The following SLC20A2 variants were observed in gnomAD, a reference collection of about 807,000 sequenced individuals.
SLC20A2 encodes the protein sodium-dependent phosphate transporter 2.
SLC20A2 carries 30 observed loss-of-function variants against 61.0 expected under a neutral mutation model. That is an observed-to-expected ratio of 0.49 (90% CI 0.37 to 0.67). The LOEUF (loss-of-function observed/expected upper bound fraction) is 0.67, where lower values mean the gene tolerates loss of function less well. Ranked by LOEUF, SLC20A2 falls within the 30% of genes least tolerant of loss-of-function variation. SLC20A2 has a pLI of 0.00. For synonymous variants in SLC20A2, 351 were observed against 353.3 expected (o/e 0.99, Z 0.07); for missense variants, 626 against 866.4 (o/e 0.72, Z 3.48).
chr8:42,422,809 C>T (rs1803134661), intron 10 of SLC20A2, among the ~76,000 whole-genome samples: 1 of 152,124 alleles, frequency 6.6e-6, no homozygotes, highest in Non-Finnish European at 1.5e-5. Context: ...TAGCATATAG[C>T]TGTGTGGCTT....
chr8:42,515,227 T>C (rs1037091193), intron 1 of SLC20A2, among the ~76,000 whole-genome samples: 3 of 152,112 alleles, frequency 2.0e-5, no homozygotes, highest in Non-Finnish European at 4.4e-5. Context: ...CTCCGGAGCT[T>C]GTGGTATTAA....
intron 1 of SLC20A2, among the ~76,000 whole-genome samples, chr8:42,500,576 T>C (rs1183045915): frequency 6.6e-6 from 1 of 152,214 alleles, no homozygotes; most frequent in East Asian, 1.9e-4. Context: ...TGTCCATCTA[T>C]ACATTCAAGA....
chr8:42,417,427 T>C lies in SLC20A2; in HGVS notation c.*376A>G, dbSNP rs142241660. On this transcript the variant is annotated 3_prime_UTR_variant, in exon 11 of 11. Coordinates refer to ENST00000520262, the MANE Select transcript of SLC20A2 (RefSeq NM_001257180.2). ...GAAGGCTTAACATTTGCCATCGAAA[T>C]AGTTATGTACAAGATTTATTGAATA... 2 of 160,388 alleles carry C rather than the reference T, an allele frequency of 1.2e-5. No homozygotes were observed. Among genetic ancestry groups the C allele is most frequent in the Admixed American group, 1.2e-4 (2 of 16,832 alleles). 9.9% of individuals were successfully genotyped at this position (160,388 alleles called of 1,614,324 possible).
At position 42,522,909 on chromosome 8, in the gene SLC20A2, TG is replaced by T. The variant is rs1186514012; in HGVS notation, c.-265+18911del. On this transcript the variant is annotated intron_variant, in intron 1 of 10. Coordinates refer to the SLC20A2 transcript ENST00000342228. ...AAAAAAATCTGTAGAGATGGCGGGG[TG>T]GGGGGGGTCTCTCTGTGTTGCCCAG... Among the ~76,000 whole-genome samples the T allele has an allele frequency of 1.1e-4, 5 of 43,522 alleles. No individual in the cohort carries two copies. The East Asian group carries it at 2.2e-3, about 19-fold the overall frequency. The allele number at this position is 43,522 out of a possible 152,430, so 28.6% of individuals were successfully genotyped here.
At chr8:42,522,320 G>A (rs1270426737) in intron 1 of SLC20A2, among the ~76,000 whole-genome samples, 1 of 122,104 alleles carries the variant, frequency 8.2e-6, no homozygotes, top group African/African-American at 2.5e-5. Context: ...TTCAACTTCA[G>A]CTGGTAAATA....
intron 1 of SLC20A2, among the ~76,000 whole-genome samples, chr8:42,511,497 G>A (rs1220761530): frequency 6.6e-6 from 1 of 151,902 alleles, no homozygotes; most frequent in East Asian, 1.9e-4. Flanking sequence ...CGTGGTAGCG[G>A]GTGCCTGTAA....
chr8:42,539,222 C>A (rs1226948330), intron 1 of SLC20A2, among the ~76,000 whole-genome samples: 2 of 152,182 alleles, frequency 1.3e-5, no homozygotes, highest in Non-Finnish European at 2.9e-5. Context: ...TAGCTAAGTT[C>A]CAGCATGCTT....
At chr8:42,465,747 T>C (rs770432107) in intron 3 of SLC20A2, 30 bp downstream of exon 3, 14 of 1,553,382 alleles carry the variant, frequency 9.0e-6, no homozygotes, top group Non-Finnish European at 1.2e-5. Context: ...TAAACTTTCC[T>C]TCTTATGGGT....
intron 10 of SLC20A2, among the ~76,000 whole-genome samples, chr8:42,422,347 C>CA (rs1165743037): frequency 9.2e-5 from 14 of 152,186 alleles, no homozygotes; most frequent in Non-Finnish European, 1.5e-4. Flanking sequence ...GCCACCATGC[C>CA]CAGCCAAATA....
At chr8:42,518,029 C>T (rs1811420556) in intron 1 of SLC20A2, among the ~76,000 whole-genome samples, 3 of 152,246 alleles carry the variant, frequency 2.0e-5, no homozygotes, top group Non-Finnish European at 4.4e-5. Context: ...CAACCTCCGC[C>T]TCCCAGGTTC....
intron 8 of SLC20A2, among the ~76,000 whole-genome samples, chr8:42,432,714 GACATCA>G (rs1205271075): frequency 6.6e-6 from 1 of 152,202 alleles, no homozygotes; most frequent in African/African-American, 2.4e-5. Flanking sequence ...TGAGTCAGCA[GACATCA>G]ACATCAAGGC....
intron 1 of SLC20A2, among the ~76,000 whole-genome samples, chr8:42,519,173 C>A (rs1185501188): frequency 6.6e-6 from 1 of 152,110 alleles, no homozygotes; most frequent in Non-Finnish European, 1.5e-5. Context: ...TGACCAGGCA[C>A]GGTGGCTCAC....
At chr8:42,485,470 C>T (rs1273982383) in intron 1 of SLC20A2, among the ~76,000 whole-genome samples, 1 of 151,348 alleles carries the variant, frequency 6.6e-6, no homozygotes, top group Non-Finnish European at 1.5e-5. Context: ...GGTGAAACCT[C>T]ATCTCTACTA....
chr8:42,534,023 A>T (rs2131446493), intron 1 of SLC20A2, among the ~76,000 whole-genome samples: 1 of 152,028 alleles, frequency 6.6e-6, no homozygotes, highest in African/African-American at 2.4e-5. Context: ...GCCCCTCAAA[A>T]CAACAAAAGG....
At chr8:42,483,536 T>C (rs1808717474) in intron 1 of SLC20A2, among the ~76,000 whole-genome samples, 1 of 152,216 alleles carries the variant, frequency 6.6e-6, no homozygotes, top group Admixed American at 6.5e-5. Context: ...GGCACACTAC[T>C]GTCTGGAAGC....
chr8:42,464,108 T>TTTTTTTTTTTTG (rs1806946601), intron 3 of SLC20A2, among the ~76,000 whole-genome samples: 1 of 85,466 alleles, frequency 1.2e-5, no homozygotes. Flanking sequence ...TTTTTTTTTT[T>TTTTTTTTTTTTG]TTTTTTTTTT....
At chr8:42,429,261 G>C (rs1409927949) in intron 9 of SLC20A2, among the ~76,000 whole-genome samples, 1 of 152,104 alleles carries the variant, frequency 6.6e-6, no homozygotes, top group East Asian at 1.9e-4. Flanking sequence ...ATCTTTTATT[G>C]AAATGAATTT....
intron 5 of SLC20A2, among the ~76,000 whole-genome samples, chr8:42,458,217 A>G (rs1404345698): frequency 6.6e-6 from 1 of 152,242 alleles, no homozygotes; most frequent in Non-Finnish European, 1.5e-5. Flanking sequence ...AATATTCTCT[A>G]GCAAACATGT....
At chr8:42,534,726 C>T (rs1046983442) in intron 1 of SLC20A2, 2 of 152,142 alleles carry the variant, frequency 1.3e-5, no homozygotes, top group Non-Finnish European at 2.9e-5. Flanking sequence ...AAATTAAAGT[C>T]ATAAGAGTAT....
Sources: allele counts gnomAD v4.1 joint callset (sites outside exome capture counted in the v4.1 genomes callset), GRCh38; gene constraint gnomAD v4.1.1; transcripts MANE v1.5; gene names NCBI Gene and HGNC (gene_info 2026-07-23, HGNC 2026-07-21).